The following FGF12 variants were observed in gnomAD, a reference collection of about 807,000 sequenced individuals.
The protein encoded by FGF12 is fibroblast growth factor 12B.
Under a neutral mutation model 23.6 loss-of-function variants are expected in FGF12, and 14 were observed. That is an observed-to-expected ratio of 0.59 (90% CI 0.39 to 0.93). The LOEUF (loss-of-function observed/expected upper bound fraction) is 0.93, where lower values mean the gene tolerates loss of function less well. FGF12 is among the 40% of genes least tolerant of loss of function. The pLI is 0.00. For missense variants in FGF12, 175 were observed against 217.8 expected, an observed-to-expected ratio of 0.80 and a Z score of 1.24; for synonymous variants, 62 against 77.3, an observed-to-expected ratio of 0.80 and a Z score of 1.04.
At chr3:192,594,115 G>A (rs1713740202) in intron 2 of FGF12, among the ~76,000 whole-genome samples, 1 of 151,910 alleles carries the variant, frequency 6.6e-6, no homozygotes, top group East Asian at 1.9e-4. Flanking sequence ...ATTTGAACAG[G>A]AGACTGCCTA....
chr3:192,470,770 AG>A (rs1191906343), intron 2 of FGF12, among the ~76,000 whole-genome samples: 1 of 152,152 alleles, frequency 6.6e-6, no homozygotes, highest in African/African-American at 2.4e-5. Flanking sequence ...TTCTCCCACA[AG>A]GGAAAACTAA....
At chr3:192,546,709 G>T (rs1232601880) in intron 2 of FGF12, among the ~76,000 whole-genome samples, 1 of 139,966 alleles carries the variant, frequency 7.1e-6, no homozygotes, top group Non-Finnish European at 1.5e-5. Context: ...ATTGACAAAT[G>T]AGTGAACCCT....
intron 2 of FGF12, among the ~76,000 whole-genome samples, chr3:192,448,961 T>G (rs1449378120): frequency 1.3e-5 from 2 of 152,200 alleles, no homozygotes; most frequent in African/African-American, 4.8e-5. Context: ...CACTGTACAT[T>G]TATGTCAGTA....
At chr3:192,651,558 A>T (rs1385371043) in intron 2 of FGF12, among the ~76,000 whole-genome samples, 2 of 152,178 alleles carry the variant, frequency 1.3e-5, no homozygotes, top group East Asian at 3.8e-4. Flanking sequence ...CAAAAATAAG[A>T]TGCTTTTCTT....
intron 2 of FGF12, among the ~76,000 whole-genome samples, chr3:192,668,390 G>T (rs751276131): frequency 2.0e-5 from 3 of 152,094 alleles, no homozygotes; most frequent in Non-Finnish European, 4.4e-5. Flanking sequence ...TTCAATGGGG[G>T]ACAAATATGA....
chr3:192,667,315 G>C (rs1716921995), intron 2 of FGF12, among the ~76,000 whole-genome samples: 1 of 152,046 alleles, frequency 6.6e-6, no homozygotes, highest in Admixed American at 6.6e-5. Context: ...TTTAAAGGAT[G>C]AGTAGAGGCT....
chr3:192,658,552 G>A lies in FGF12; in HGVS notation c.13+68629C>T, dbSNP rs567373057. 5.3e-5 allele frequency among the ~76,000 whole-genome samples: 8 copies of A among 152,278 alleles called. No individual in the cohort carries two copies. The East Asian group carries it at 1.4e-3, about 26-fold the overall frequency. The stretch of plus-strand genomic sequence containing the variant: ...TAACCAGTAAACAAAGTTTTAGGGT[G>A]CATTAGCTTTACCCTAGAAAGCAGG... On this transcript the variant is annotated intron_variant, in intron 2 of 5. Coordinates refer to ENST00000445105, the MANE Select transcript of FGF12 (RefSeq NM_004113.6).
chr3:192,538,862 T>C (rs1725297599), intron 2 of FGF12, among the ~76,000 whole-genome samples: 1 of 152,226 alleles, frequency 6.6e-6, no homozygotes, highest in African/African-American at 2.4e-5. Context: ...TCACTTATTT[T>C]GTTAAATTAA....
intron 2 of FGF12, among the ~76,000 whole-genome samples, chr3:192,561,173 C>T (rs1712003705): frequency 6.6e-6 from 1 of 151,966 alleles, no homozygotes; most frequent in Admixed American, 6.6e-5. Context: ...CAAACACACG[C>T]ACAGCTATAT....
intron 2 of FGF12, among the ~76,000 whole-genome samples, chr3:192,684,472 T>C (rs1459795745): frequency 6.6e-6 from 1 of 152,178 alleles, no homozygotes; most frequent in Non-Finnish European, 1.5e-5. Context: ...GTTTGCTTTT[T>C]TCTCTCCAGG....
At chr3:192,689,762 TA>T (rs1717883632) in intron 2 of FGF12, among the ~76,000 whole-genome samples, 1 of 151,824 alleles carries the variant, frequency 6.6e-6, no homozygotes, top group African/African-American at 2.4e-5. Context: ...AAATAATGGC[TA>T]AAAACTTCCC....
intron 2 of FGF12, among the ~76,000 whole-genome samples, chr3:192,650,528 C>A (rs1177157450): frequency 6.6e-6 from 1 of 152,194 alleles, no homozygotes; most frequent in Non-Finnish European, 1.5e-5. Context: ...CAACCCTATA[C>A]CTATTATTTA....
intron 2 of FGF12, among the ~76,000 whole-genome samples, chr3:192,656,040 C>CAAA (rs11292484): frequency 1.5e-4 from 16 of 106,552 alleles, no homozygotes; most frequent in African/African-American, 4.1e-4. Context: ...GAGGTTCAGG[C>CAAA]AAAAAAAAAA....
chr3:192,372,545 C>T (rs1386286882), intron 2 of FGF12, among the ~76,000 whole-genome samples: 1 of 152,100 alleles, frequency 6.6e-6, no homozygotes, highest in Non-Finnish European at 1.5e-5. Context: ...ATTCAGGCAC[C>T]GTGGTGCAGG....
intron 2 of FGF12, among the ~76,000 whole-genome samples, chr3:192,566,122 C>T (rs987248124): frequency 1.3e-5 from 2 of 152,160 alleles, no homozygotes; most frequent in African/African-American, 4.8e-5. Context: ...GCATATGAAG[C>T]AGGCATTAGT....
chr3:192,670,065 T>C (rs1426001378), intron 2 of FGF12, among the ~76,000 whole-genome samples: 1 of 152,174 alleles, frequency 6.6e-6, no homozygotes, highest in African/African-American at 2.4e-5. Flanking sequence ...ATTAAAATAT[T>C]CCTCCATTTT....
chr3:192,230,736 T>C lies in FGF12; in HGVS notation c.229-60080A>G, dbSNP rs115384065. 6.6e-3 allele frequency among the ~76,000 whole-genome samples: 1,008 copies of C among 152,246 alleles called. 4 individuals carry two copies. Among genetic ancestry groups the C allele is most frequent in the African/African-American group, 0.023 (965 of 41,566 alleles). On this transcript the variant is annotated intron_variant, in intron 4 of 5. Transcript: ENST00000445105. ...ATCATTCTTTTTTTTAATCTCTTTATTTTTTACTGTCATAGGGTAACAGTC... is the reference window on the plus strand; with the variant it reads ...ATCATTCTTTTTTTTAATCTCTTTACTTTTTACTGTCATAGGGTAACAGTC...
chr3:192,165,762 T>G (rs79091929), intron 5 of FGF12, among the ~76,000 whole-genome samples: 10,058 of 152,218 alleles, frequency 0.066, 407 homozygotes, highest in African/African-American at 0.096. Context: ...TATCACTGAC[T>G]TTTCTGAGTA....
At chr3:192,178,682 G>A (rs1366875377) in intron 4 of FGF12, among the ~76,000 whole-genome samples, 1 of 152,130 alleles carries the variant, frequency 6.6e-6, no homozygotes, top group Non-Finnish European at 1.5e-5. Flanking sequence ...ATTTTTAGTA[G>A]AGACAGGGTT....
Sources: allele counts gnomAD v4.1 joint callset (sites outside exome capture counted in the v4.1 genomes callset), GRCh38; gene constraint gnomAD v4.1.1; transcripts MANE v1.5; gene names NCBI Gene and HGNC (gene_info 2026-07-23, HGNC 2026-07-21).